The following LOXL1 variants were observed in gnomAD, a reference collection of about 807,000 sequenced individuals.
LOXL1 encodes the protein lysyl oxidase like 1, also known as lysyl oxidase homolog 1.
In LOXL1, 31 loss-of-function variants were observed where a neutral mutation model predicts 62.2. The observed-to-expected ratio is 0.50, with a 90% CI of 0.37 to 0.67. The LOEUF (loss-of-function observed/expected upper bound fraction) is 0.67. Among genes scored for constraint, LOXL1 ranks in the 30% least tolerant of loss-of-function variants. The pLI, the probability that LOXL1 is intolerant of heterozygous loss-of-function variation, is 0.00. For missense variants in LOXL1, 775 were observed against 843.4 expected (o/e 0.92, Z 1.00); for synonymous variants, 403 against 384.4 (o/e 1.05, Z -0.56).
chr15:73,932,835 C>T (rs1010423980), intron 1 of LOXL1, among the ~76,000 whole-genome samples: 1 of 152,224 alleles, frequency 6.6e-6, no homozygotes, highest in African/African-American at 2.4e-5. Flanking sequence ...CAGATTGTTC[C>T]TTCAGAAAGA....
chr15:73,948,202 T>C (rs1283254880), intron 5 of LOXL1, among the ~76,000 whole-genome samples: 1 of 152,222 alleles, frequency 6.6e-6, no homozygotes, highest in Non-Finnish European at 1.5e-5. Flanking sequence ...CAAGAAAGAC[T>C]TGGAGAGCCA....
At position 73,946,397 on chromosome 15, in the gene LOXL1, CT is replaced by C; in HGVS notation, c.1212-19del. On this transcript the variant is annotated intron_variant, in intron 2 of 6. Coordinates refer to ENST00000261921, the MANE Select transcript of LOXL1 (RefSeq NM_005576.4). ...TCACTGTGCCCCAACCCCCCCTCATCTCCCCCGCCGTCCCTGCAGCACAGCC... is the reference window on the plus strand; with the variant it reads ...TCACTGTGCCCCAACCCCCCCTCATCCCCCCGCCGTCCCTGCAGCACAGCC... The C allele has an allele frequency of 9.1e-6, 13 of 1,427,048 alleles. No homozygotes were observed. The highest frequency in any genetic ancestry group is 1.3e-5 in the Non-Finnish European group (13 of 1,025,670). 88.4% of individuals were successfully genotyped at this position (1,427,048 alleles called of 1,614,324 possible).
At chr15:73,937,680 G>T (rs370247855) in intron 1 of LOXL1, among the ~76,000 whole-genome samples, 66 of 152,354 alleles carry the variant, frequency 4.3e-4, no homozygotes, top group East Asian at 2.3e-3. Flanking sequence ...GTCAACCCAA[G>T]GCCACACAGA....
chr15:73,927,088 T>C lies in LOXL1; in HGVS notation c.305T>C (p.Leu102Pro). 1.5e-6 allele frequency: 2 copies of C among 1,302,104 alleles called. No individual in the cohort carries two copies. Among genetic ancestry groups the C allele is most frequent in the Non-Finnish European group, 2.0e-6 (2 of 1,020,648 alleles). 80.7% of individuals were successfully genotyped at this position (1,302,104 alleles called of 1,614,324 possible). Residue 102 changes from leucine (L) to proline (P), a missense_variant, in exon 1 of 7, where the codon CTG becomes CCG. Transcript: ENST00000261921. ...CGTCGGCAGGCGCCGTCCCTGCCCC[T>C]GCCGGGGCGCGTGGGCTCGGACACC... is the stretch of plus-strand genomic sequence containing the variant. ...PRRRQAPSLP[L>P]PGRVGSDTVR...
Position 73,947,175 on chromosome 15 carries a change from C to A in LOXL1, c.1458C>A (p.Thr486=). The A allele has an allele frequency of 6.2e-7, 1 of 1,613,514 alleles. No homozygotes were observed. The highest frequency in any genetic ancestry group is 8.5e-7 in the Non-Finnish European group (1 of 1,179,492). Residue 486 remains threonine, a synonymous_variant, in exon 4 of 7, where the codon ACC becomes ACA. Transcript: ENST00000261921. ...CCAGTTTCTGCCTGGAGGACAGCAC[C>A]TGTGACTTCGGCAACCTCAAGCGCT... ...HKASFCLEDS[T]CDFGNLKRYA...
chr15:73,940,026 C>T (rs529359677), intron 1 of LOXL1, among the ~76,000 whole-genome samples: 1 of 152,288 alleles, frequency 6.6e-6, no homozygotes, highest in South Asian at 2.1e-4. Context: ...GTCAGTCACC[C>T]TCAAAACAAA....
chr15:73,948,862 G>A (rs1289694362), intron 5 of LOXL1, among the ~76,000 whole-genome samples: 1 of 152,224 alleles, frequency 6.6e-6, no homozygotes, highest in Non-Finnish European at 1.5e-5. Context: ...GAGTGTACCA[G>A]GATTTGAAAG....
intron 1 of LOXL1, among the ~76,000 whole-genome samples, chr15:73,937,846 T>C (rs980148957): frequency 1.3e-5 from 2 of 152,190 alleles, no homozygotes; most frequent in Admixed American, 1.3e-4. Context: ...CCACCAGTGG[T>C]GCTGGGGGCT....
At chr15:73,933,464 C>T (rs1192712853) in intron 1 of LOXL1, among the ~76,000 whole-genome samples, 1 of 152,216 alleles carries the variant, frequency 6.6e-6, no homozygotes, top group Admixed American at 6.5e-5. Context: ...GCGGGCCCCA[C>T]AGAGTTGCTG....
intron 1 of LOXL1, among the ~76,000 whole-genome samples, chr15:73,938,581 T>C (rs1389081433): frequency 6.6e-6 from 1 of 152,124 alleles, no homozygotes; most frequent in Non-Finnish European, 1.5e-5. Flanking sequence ...CATGGTGGCA[T>C]GCGCCTGTGG....
At chr15:73,937,920 C>T (rs913121881) in intron 1 of LOXL1, among the ~76,000 whole-genome samples, 2 of 152,180 alleles carry the variant, frequency 1.3e-5, no homozygotes, top group Admixed American at 1.3e-4. Flanking sequence ...TCATCAGGCC[C>T]AGGAGGGGCA....
At chr15:73,947,336 C>A in intron 4 of LOXL1, 113 bp downstream of exon 4, 2 of 1,229,052 alleles carry the variant, frequency 1.6e-6, no homozygotes, top group Non-Finnish European at 1.1e-6. Flanking sequence ...CTCAGCTCTG[C>A]TCACAGTGAA....
chr15:73,937,754 ATGG>A (rs1259401330), intron 1 of LOXL1, among the ~76,000 whole-genome samples: 1 of 152,226 alleles, frequency 6.6e-6, no homozygotes, highest in East Asian at 1.9e-4. Context: ...CAAGAAATTG[ATGG>A]TGGCCAGGGT....
chr15:73,927,502 G>T lies in LOXL1; in HGVS notation c.719G>T (p.Gly240Val). Reference protein sequence around the residue: ...PRARYEEYGGGEELPEYPPQG... With the variant: ...PRARYEEYGGVEELPEYPPQG... ...GCGCGCTACGAGGAGTACGGCGGCG[G>T]CGAAGAGCTGCCCGAGTACCCGCCT... Residue 240 changes from glycine to valine, a missense_variant, in exon 1 of 7, where the codon GGC (glycine) becomes GTC (valine). By Grantham distance (109) the Gly-to-Val change is moderately radical. Transcript: ENST00000261921. 6.8e-7 allele frequency: 1 copy of T among 1,473,190 alleles called. No homozygotes were observed. The highest frequency in any genetic ancestry group is 8.9e-7 in the Non-Finnish European group (1 of 1,117,786). 91.3% of individuals were successfully genotyped at this position (1,473,190 alleles called of 1,614,324 possible). A position where few individuals can be genotyped will look rare whatever the true frequency, so the allele number is the denominator to read the frequency against.
Position 73,947,800 on chromosome 15 carries a change from T to G in LOXL1, c.1507-7T>G, listed in dbSNP as rs536410485. On this transcript the variant is annotated splice_region_variant and splice_polypyrimidine_tract_variant and intron_variant, in intron 4 of 6. Coordinates refer to ENST00000261921, the MANE Select transcript of LOXL1 (RefSeq NM_005576.4). The stretch of plus-strand genomic sequence containing the variant: ...CATCACAGCCGCTCCTCTTGTCCCT[T>G]TCCCAGGGCCTGAGCCCAGGCTGCT... 7 of 1,603,072 alleles carry G rather than the reference T, an allele frequency of 4.4e-6. No homozygotes were observed. The highest frequency in any genetic ancestry group is 6.0e-6 in the Non-Finnish European group (7 of 1,171,978).
intron 3 of LOXL1, 117 bp downstream of exon 3, chr15:73,946,671 G>A: frequency 7.9e-7 from 1 of 1,269,670 alleles, no homozygotes; most frequent in African/African-American, 1.5e-5. Context: ...CTGGATTAGA[G>A]GGCCCGGGGA....
chr15:73,927,857 C>A lies in LOXL1; in HGVS notation c.1074C>A (p.Ser358Arg), dbSNP rs1034097940. The change falls in exon 1 of 7, where the codon AGC becomes AGA. Residue 358 changes from serine to arginine, a missense_variant. Transcript: ENST00000261921. The part of the protein sequence containing the change: ...GAQQGRLSVG[S>R]VYRPNQNGRG... ...AGCAGGGCCGCCTCAGCGTGGGCAG[C>A]GTGTACCGGCCCAACCAGAACGGCC... is the stretch of plus-strand genomic sequence containing the variant. The A allele has an allele frequency of 6.0e-6, 8 of 1,334,480 alleles. No individual in the cohort carries two copies. In the African/African-American group the frequency reaches 9.2e-5, roughly 15 times the overall value. The allele number at this position is 1,334,480 out of a possible 1,614,324, so 82.7% of individuals were successfully genotyped here.
intron 2 of LOXL1, among the ~76,000 whole-genome samples, chr15:73,943,502 G>C (rs968048076): frequency 6.6e-6 from 1 of 152,170 alleles, no homozygotes; most frequent in East Asian, 1.9e-4. Flanking sequence ...CAGTGAGCCC[G>C]GGGGACAAAG....
In LOXL1 at chr15:73,927,250, C is replaced by T. The variant is rs770883231; in HGVS notation, c.467C>T (p.Ser156Phe). The change falls in exon 1 of 7, where the codon TCC becomes TTC. Residue 156 changes from serine (S) to phenylalanine (F), a missense_variant. Transcript: ENST00000261921. ...CAGCAACGGCACGGGGGCTCCGCCT[C>T]CTCGGTCTCGGCTTCGGCCTTCGCC... ...VSQQRHGGSA[S>F]SVSASAFAST... The T allele has an allele frequency of 6.9e-6, 11 of 1,600,448 alleles. No homozygotes were observed. The highest frequency in any genetic ancestry group is 3.4e-5 in the Admixed American group (2 of 59,414).
Sources: allele counts gnomAD v4.1 joint callset (sites outside exome capture counted in the v4.1 genomes callset), GRCh38; gene constraint gnomAD v4.1.1; transcripts MANE v1.5; gene names NCBI Gene and HGNC (gene_info 2026-07-23, HGNC 2026-07-21).